LHFPL3: variants seen among roughly 807,000 people sequenced by gnomAD.
LHFPL3 encodes LHFPL tetraspan subfamily member 3 protein.
LHFPL3 carries 5 observed loss-of-function variants against 19.3 expected under a neutral mutation model. The ratio of observed to expected loss-of-function variants is 0.26; its 90% CI spans 0.14 to 0.54. LHFPL3 has a LOEUF of 0.54. Ranked by LOEUF, LHFPL3 falls within the 20% of genes least tolerant of loss-of-function variation. The pLI is 0.94. For synonymous variants in LHFPL3, 133 were observed against 126.2 expected, an observed-to-expected ratio of 1.05 and a Z score of -0.36; for missense variants, 249 against 307.4, an observed-to-expected ratio of 0.81 and a Z score of 1.42.
chr7:104,338,599 C>A (rs987980301), intron 1 of LHFPL3, among the ~76,000 whole-genome samples: 3 of 152,250 alleles, frequency 2.0e-5, no homozygotes, highest in African/African-American at 7.2e-5. Context: ...ACAAGTTATT[C>A]ATAGCTAATT....
At chr7:104,495,152 C>T (rs530827658) in intron 1 of LHFPL3, among the ~76,000 whole-genome samples, 1 of 152,280 alleles carries the variant, frequency 6.6e-6, no homozygotes, top group South Asian at 2.1e-4. Context: ...GGTTCAACCC[C>T]TTCCCCTTCC....
chr7:104,666,284 T>C (rs946229020), intron 1 of LHFPL3, among the ~76,000 whole-genome samples: 3 of 151,878 alleles, frequency 2.0e-5, no homozygotes, highest in Admixed American at 6.6e-5. Context: ...AACTGTATGT[T>C]TATACCCATT....
intron 1 of LHFPL3, among the ~76,000 whole-genome samples, chr7:104,656,417 G>A (rs938476837): frequency 5.9e-5 from 9 of 152,104 alleles, no homozygotes; most frequent in Admixed American, 4.6e-4. Context: ...TGGGGCTAGG[G>A]GCTGCTTTCC....
At chr7:104,556,050 G>T (rs1019808453) in intron 1 of LHFPL3, among the ~76,000 whole-genome samples, 1 of 152,226 alleles carries the variant, frequency 6.6e-6, no homozygotes, top group Non-Finnish European at 1.5e-5. Context: ...GCCTTAGGCA[G>T]ATCTGCCCCT....
chr7:104,603,078 CTT>C (rs1554413231), intron 1 of LHFPL3, among the ~76,000 whole-genome samples: 1 of 94,116 alleles, frequency 1.1e-5, no homozygotes, highest in Admixed American at 1.0e-4. Context: ...TTCTTTCTTT[CTT>C]TCTTTCTTTC....
Position 104,664,219 on chromosome 7 carries a change from C to T in LHFPL3, c.446-72456C>T, listed in dbSNP as rs184317136. ...ACATTCTGCTCCATTAAAAAGATAA[C>T]CCAAAGGTTAAATTTTTATTGCCAT... is the stretch of plus-strand genomic sequence containing the variant. On this transcript the variant is annotated intron_variant, in intron 1 of 2. Coordinates refer to ENST00000424859, the MANE Select transcript of LHFPL3 (RefSeq NM_199000.3). Among the ~76,000 whole-genome samples, 270 of 152,236 alleles carry T rather than the reference C, an allele frequency of 1.8e-3. 2 individuals carry two copies. Among genetic ancestry groups the T allele is most frequent in the African/African-American group, 6.1e-3 (252 of 41,554 alleles).
At chr7:104,863,096 T>C (rs949748654) in intron 2 of LHFPL3, among the ~76,000 whole-genome samples, 8 of 152,316 alleles carry the variant, frequency 5.3e-5, no homozygotes, top group African/African-American at 1.4e-4. Flanking sequence ...TAATTAGTCA[T>C]ACAGCCCTAA....
chr7:104,904,417 G>A (rs1433190825), intron 2 of LHFPL3, among the ~76,000 whole-genome samples: 15 of 152,204 alleles, frequency 9.9e-5, no homozygotes, highest in East Asian at 1.9e-4. Context: ...TTGGGAGGCC[G>A]AGGCAGGTGG....
intron 2 of LHFPL3, among the ~76,000 whole-genome samples, 180 bp from the exon 3 acceptor site, chr7:104,906,007 T>C (rs1450871833): frequency 6.6e-6 from 1 of 152,206 alleles, no homozygotes; most frequent in Non-Finnish European, 1.5e-5. Context: ...GTGGGTTGAA[T>C]GGAACAGAAA....
At chr7:104,439,240 C>G (rs1035337955) in intron 1 of LHFPL3, among the ~76,000 whole-genome samples, 5 of 152,114 alleles carry the variant, frequency 3.3e-5, no homozygotes, top group Non-Finnish European at 5.9e-5. Flanking sequence ...CCACTGTGCC[C>G]AGCCCTACAA....
At chr7:104,338,093 CT>C (rs71296520) in intron 1 of LHFPL3, among the ~76,000 whole-genome samples, 2,793 of 85,798 alleles carry the variant, frequency 0.033, 18 homozygotes, top group African/African-American at 0.11. Context: ...TTTCCTTTTT[CT>C]TTTTTTTTTT....
chr7:104,841,031 A>G (rs894958823), intron 2 of LHFPL3, among the ~76,000 whole-genome samples: 1 of 152,158 alleles, frequency 6.6e-6, no homozygotes, highest in Non-Finnish European at 1.5e-5. Flanking sequence ...GTTCTCCAGT[A>G]GGAGCAATAA....
At chr7:104,714,034 C>T (rs777972750) in intron 1 of LHFPL3, among the ~76,000 whole-genome samples, 3 of 152,216 alleles carry the variant, frequency 2.0e-5, no homozygotes, top group Non-Finnish European at 4.4e-5. Flanking sequence ...CTAGGGAAGT[C>T]GTTCTGATCA....
intron 2 of LHFPL3, among the ~76,000 whole-genome samples, chr7:104,759,282 G>A (rs1439627624): frequency 6.6e-6 from 1 of 152,004 alleles, no homozygotes. Context: ...CTTAGGAGTG[G>A]ACATTATTAA....
chr7:104,495,601 T>C (rs1051877234), intron 1 of LHFPL3, among the ~76,000 whole-genome samples: 3 of 152,154 alleles, frequency 2.0e-5, no homozygotes, highest in Admixed American at 6.5e-5. Flanking sequence ...GCCAGGATGG[T>C]CTCCATCTCC....
chr7:104,833,086 A>T (rs796943359), intron 2 of LHFPL3, among the ~76,000 whole-genome samples: 203 of 2,386 alleles, frequency 0.085, no homozygotes, highest in Non-Finnish European at 0.13. Context: ...TATATATCTA[A>T]TATATATAAT....
intron 2 of LHFPL3, among the ~76,000 whole-genome samples, chr7:104,813,639 A>G (rs1032375917): frequency 6.6e-6 from 1 of 152,160 alleles, no homozygotes; most frequent in Admixed American, 6.5e-5. Context: ...ACAGTCAGAC[A>G]TGCTGGCTGC....
intron 1 of LHFPL3, among the ~76,000 whole-genome samples, chr7:104,727,971 G>C (rs1793621271): frequency 6.6e-6 from 1 of 152,144 alleles, no homozygotes; most frequent in African/African-American, 2.4e-5. Context: ...CTGTTTTTGA[G>C]AGGTAATGAA....
chr7:104,858,256 G>A (rs1039408704), intron 2 of LHFPL3, among the ~76,000 whole-genome samples: 1 of 152,126 alleles, frequency 6.6e-6, no homozygotes, highest in Non-Finnish European at 1.5e-5. Flanking sequence ...CCTACCTTGG[G>A]AGATCCCCTC....
Sources: allele counts gnomAD v4.1 joint callset (sites outside exome capture counted in the v4.1 genomes callset), GRCh38; gene constraint gnomAD v4.1.1; transcripts MANE v1.5; gene names NCBI Gene and HGNC (gene_info 2026-07-23, HGNC 2026-07-21).